Variants in MYRIP observed in about 807,000 individuals in gnomAD.
MYRIP encodes myosin VIIA and Rab interacting protein, also known as rab effector MyRIP.
In MYRIP, 49 loss-of-function variants were observed where a neutral mutation model predicts 98.0. That is an observed-to-expected ratio of 0.50 (90% CI 0.40 to 0.63). The LOEUF (loss-of-function observed/expected upper bound fraction) is 0.63. Among genes scored for constraint, MYRIP ranks in the 30% least tolerant of loss-of-function variants. The pLI, the probability that MYRIP is intolerant of heterozygous loss-of-function variation, is 0.00. For missense variants in MYRIP, 1,004 were observed against 1,058.2 expected, an observed-to-expected ratio of 0.95 and a Z score of 0.71; for synonymous variants, 404 against 409.5, an observed-to-expected ratio of 0.99 and a Z score of 0.16.
intron 2 of MYRIP, among the ~76,000 whole-genome samples, chr3:39,967,724 C>T (rs1945474919): frequency 6.6e-6 from 1 of 152,094 alleles, no homozygotes; most frequent in African/African-American, 2.4e-5. Context: ...TTCCCATTTC[C>T]CTGCAACCTT....
chr3:39,972,699 A>G (rs1243736710), intron 2 of MYRIP, among the ~76,000 whole-genome samples: 1 of 152,114 alleles, frequency 6.6e-6, no homozygotes, highest in Non-Finnish European at 1.5e-5. Flanking sequence ...AAGCTCACAC[A>G]GATGGACTGG....
chr3:40,169,668 C>T (rs187801354), intron 7 of MYRIP, among the ~76,000 whole-genome samples: 2 of 152,270 alleles, frequency 1.3e-5, no homozygotes, highest in East Asian at 3.9e-4. Flanking sequence ...GAGGTAAAGC[C>T]TACACAATAC....
At chr3:40,257,364 C>A (rs1953629830) in intron 16 of MYRIP, among the ~76,000 whole-genome samples, 2 of 152,076 alleles carry the variant, frequency 1.3e-5, no homozygotes, top group African/African-American at 4.8e-5. Context: ...TGTGGGAATG[C>A]AAGGATAGCT....
chr3:39,867,597 G>T (rs1942662463), intron 1 of MYRIP, among the ~76,000 whole-genome samples: 1 of 152,148 alleles, frequency 6.6e-6, no homozygotes. Context: ...ACCACGTTGA[G>T]ATATCTTGTC....
chr3:40,158,791 A>G (rs9880444), intron 4 of MYRIP, among the ~76,000 whole-genome samples: 4 of 140,038 alleles, frequency 2.9e-5, no homozygotes, highest in Non-Finnish European at 5.9e-5. Flanking sequence ...GGTTTAAAGT[A>G]TGTTTTATCA....
intron 2 of MYRIP, among the ~76,000 whole-genome samples, chr3:40,031,327 C>T (rs969643324): frequency 2.6e-5 from 4 of 152,082 alleles, no homozygotes; most frequent in Non-Finnish European, 5.9e-5. Context: ...GGTTAGTTTT[C>T]AACCTAAGAA....
intron 1 of MYRIP, among the ~76,000 whole-genome samples, chr3:39,877,690 C>T (rs1047894026): frequency 3.3e-5 from 5 of 152,126 alleles, no homozygotes; most frequent in East Asian, 3.9e-4. Flanking sequence ...GCTGTCTGAT[C>T]GTTCCTCTGG....
chr3:39,875,101 T>C (rs1942945298), intron 1 of MYRIP, among the ~76,000 whole-genome samples: 1 of 152,234 alleles, frequency 6.6e-6, no homozygotes, highest in Admixed American at 6.5e-5. Context: ...TTTATCCATT[T>C]CTTCTAGATT....
chr3:39,929,547 T>A (rs1944493186), intron 2 of MYRIP, among the ~76,000 whole-genome samples: 2 of 152,034 alleles, frequency 1.3e-5, no homozygotes, highest in South Asian at 4.1e-4. Context: ...CAATGGAACA[T>A]AATAGAATGC....
intron 1 of MYRIP, among the ~76,000 whole-genome samples, chr3:39,881,654 T>A (rs1018464142): frequency 3.9e-5 from 6 of 152,168 alleles, no homozygotes; most frequent in Non-Finnish European, 8.8e-5. Context: ...CCAGAGCCTC[T>A]CTAGCCCAGT....
chr3:39,921,098 G>A (rs1401045637), intron 2 of MYRIP, among the ~76,000 whole-genome samples: 8 of 152,096 alleles, frequency 5.3e-5, no homozygotes, highest in South Asian at 2.1e-4. Context: ...TAAAATTAAC[G>A]TTATCAGACC....
intron 1 of MYRIP, among the ~76,000 whole-genome samples, chr3:39,877,604 C>T (rs1455981293): frequency 1.3e-5 from 2 of 152,188 alleles, no homozygotes; most frequent in East Asian, 3.9e-4. Context: ...TGCTAGAGGT[C>T]CACTCCAGAC....
At chr3:40,219,643 G>A (rs547812734) in intron 11 of MYRIP, among the ~76,000 whole-genome samples, 7,800 of 151,796 alleles carry the variant, frequency 0.051, 631 homozygotes, top group African/African-American at 0.18. Flanking sequence ...CTTCATCCAT[G>A]TCCCTACAAA....
At chr3:39,885,816 C>T (rs1040410737) in intron 1 of MYRIP, among the ~76,000 whole-genome samples, 2 of 152,074 alleles carry the variant, frequency 1.3e-5, no homozygotes, top group Non-Finnish European at 1.5e-5. Context: ...ACATTCTTCA[C>T]GTAGTTCTCA....
At chr3:39,822,042 G>A (rs749127082) in intron 1 of MYRIP, among the ~76,000 whole-genome samples, 2 of 152,072 alleles carry the variant, frequency 1.3e-5, no homozygotes, top group African/African-American at 2.4e-5. Flanking sequence ...ATTTCATCTT[G>A]TGCTTTCCTT....
chr3:39,912,288 C>A (rs531054045), intron 2 of MYRIP, among the ~76,000 whole-genome samples: 1 of 152,156 alleles, frequency 6.6e-6, no homozygotes, highest in African/African-American at 2.4e-5. Context: ...GGTGATGTGC[C>A]CAGTAGGTTG....
chr3:40,201,391 T>G (rs997160656), intron 10 of MYRIP, among the ~76,000 whole-genome samples: 1 of 150,042 alleles, frequency 6.7e-6, no homozygotes, highest in African/African-American at 2.5e-5. Flanking sequence ...GGAGATGTGC[T>G]CCAGGTTAGA....
chr3:40,163,733 T>C (rs976712454), intron 5 of MYRIP, among the ~76,000 whole-genome samples: 2 of 152,146 alleles, frequency 1.3e-5, no homozygotes, highest in African/African-American at 2.4e-5. Flanking sequence ...ACTGCTCTTA[T>C]GGGTCTCCAG....
Position 40,088,713 on chromosome 3 carries a change from G to C in MYRIP, c.332+44442G>C, listed in dbSNP as rs569566974. ...GAGCCCATCTCTGTGGCTGGAGCCT[G>C]TGGCTGGGAAGAAGTGCAGGGCCCA... On this transcript the variant is annotated intron_variant, in intron 3 of 16. Coordinates refer to ENST00000302541, the MANE Select transcript of MYRIP (RefSeq NM_015460.4). Among the ~76,000 whole-genome samples, 7 of 152,336 alleles carry C rather than the reference G, an allele frequency of 4.6e-5. No individual in the cohort carries two copies. In the South Asian group the frequency reaches 1.4e-3, roughly 32 times the overall value.
Sources: gnomAD v4.1 joint callset for allele counts (sites outside exome capture counted in the v4.1 genomes callset) on GRCh38, gnomAD v4.1.1 for gene constraint, MANE v1.5 for transcripts, NCBI Gene and HGNC (gene_info 2026-07-23, HGNC 2026-07-21) for gene names.